C2orf92: variants seen among roughly 807,000 people sequenced by gnomAD.
The protein encoded by C2orf92 is uncharacterized protein C2orf92.
intron 1 of C2orf92, chr2:97,671,643 T>C: frequency 2.5e-6 from 1 of 394,852 alleles, no homozygotes; most frequent in Non-Finnish European, 4.5e-6. Context: ...TGTCTACGTG[T>C]CACAGTCTCA....
At chr2:97,666,566 G>C (rs1006555730), upstream of C2orf92, among the ~76,000 whole-genome samples, 6 of 151,072 alleles carry the variant, frequency 4.0e-5, no homozygotes, top group Non-Finnish European at 8.8e-5. Context: ...GGTTGAGATG[G>C]GCACGGTAGC....
chr2:97,665,733 CTCTCTATATATA>C (rs1182852463), upstream of C2orf92: 79 of 19,746 alleles, frequency 4.0e-3, no homozygotes, highest in African/African-American at 5.3e-3. Flanking sequence ...CTCTCTCTCT[CTCTCTATATATA>C]TATATATATA....
At chr2:97,685,665 C>T (rs1445145927) in intron 3 of C2orf92, among the ~76,000 whole-genome samples, 1 of 152,092 alleles carries the variant, frequency 6.6e-6, no homozygotes, top group Non-Finnish European at 1.5e-5. Context: ...CAAGTTCAAG[C>T]AATTCTCCTG....
At chr2:97,681,351 C>T (rs1373417868) in intron 3 of C2orf92, among the ~76,000 whole-genome samples, 1 of 152,040 alleles carries the variant, frequency 6.6e-6, no homozygotes, top group Admixed American at 6.6e-5. Flanking sequence ...CTTTTCAGAT[C>T]ACAATGGAAT....
Position 97,676,447 on chromosome 2 carries a change from AAG to A in C2orf92, c.232+521_232+522del, listed in dbSNP as rs1450853041. Among the ~76,000 whole-genome samples the A allele has an allele frequency of 1.5e-3, 172 of 114,124 alleles. 9 individuals are homozygous for A. Among genetic ancestry groups the A allele is most frequent in the African/African-American group, 2.8e-3 (93 of 32,992 alleles). The allele number at this position is 114,124 out of a possible 152,430, so 74.9% of individuals were successfully genotyped here. On this transcript the variant is annotated intron_variant, in intron 3 of 7. Transcript: ENST00000627399. The stretch of plus-strand genomic sequence containing the variant: ...AGACTCCATCTCAAAAAAAAAAAAA[AAG>A]AAAAAAAAAAAAAAAAAGACACCCC...
upstream of C2orf92, chr2:97,664,854 C>T (rs1213506917): frequency 6.6e-6 from 1 of 152,188 alleles, no homozygotes; most frequent in East Asian, 1.9e-4. Context: ...GGATTACAGG[C>T]GTCAGCTATT....
At chr2:97,667,188 G>A (rs1231935657), upstream of C2orf92, 1 of 151,546 alleles carries the variant, frequency 6.6e-6, no homozygotes, top group Non-Finnish European at 1.5e-5. Context: ...AAAGCAAAGA[G>A]AAAGCAGACA....
At chr2:97,695,859 C>T (rs1676288525) in intron 5 of C2orf92, among the ~76,000 whole-genome samples, 1 of 152,156 alleles carries the variant, frequency 6.6e-6, no homozygotes, top group South Asian at 2.1e-4. Flanking sequence ...TCAAGCAATT[C>T]TCCTGTCTCA....
At chr2:97,685,334 C>T (rs1675921885) in intron 3 of C2orf92, among the ~76,000 whole-genome samples, 4 of 143,268 alleles carry the variant, frequency 2.8e-5, no homozygotes, top group African/African-American at 7.8e-5. Context: ...GGTGTGATCT[C>T]GGCTCACTGC....
chr2:97,701,436 C>T (rs903334005), intron 7 of C2orf92, 132 bp downstream of exon 7: 1 of 390,766 alleles, frequency 2.6e-6, no homozygotes, highest in African/African-American at 2.1e-5. Context: ...TTCAGCATCC[C>T]CTGGCCTGCT....
intron 3 of C2orf92, among the ~76,000 whole-genome samples, chr2:97,679,438 T>C (rs1212486573): frequency 6.6e-6 from 1 of 152,242 alleles, no homozygotes; most frequent in East Asian, 1.9e-4. Context: ...GCTAAGTTGT[T>C]AAAAATTTAA....
At chr2:97,702,368 C>G (rs192086299) in intron 7 of C2orf92, among the ~76,000 whole-genome samples, 9 of 152,168 alleles carry the variant, frequency 5.9e-5, no homozygotes, top group Admixed American at 1.3e-4. Flanking sequence ...ATTGGACCTG[C>G]CATTTTCCCT....
At chr2:97,675,751 C>T (rs1298333094) in intron 2 of C2orf92, 94 bp from the exon 3 acceptor site, 12 of 398,312 alleles carry the variant, frequency 3.0e-5, no homozygotes, top group Non-Finnish European at 4.4e-5. Flanking sequence ...ATGATGCTCA[C>T]CTCAAAATCC....
At chr2:97,696,715 G>A (rs1258567290) in intron 5 of C2orf92, among the ~76,000 whole-genome samples, 1 of 152,180 alleles carries the variant, frequency 6.6e-6, no homozygotes, top group African/African-American at 2.4e-5. Context: ...CAGCCTGGGG[G>A]ACAGAGACTC....
chr2:97,678,618 G>A (rs976584075), intron 3 of C2orf92, among the ~76,000 whole-genome samples: 22 of 151,962 alleles, frequency 1.4e-4, no homozygotes, highest in African/African-American at 4.1e-4. Flanking sequence ...TCATTTCTCC[G>A]CAACAACCAC....
At chr2:97,681,641 G>A (rs1464848527) in intron 3 of C2orf92, among the ~76,000 whole-genome samples, 4 of 152,156 alleles carry the variant, frequency 2.6e-5, no homozygotes, top group Non-Finnish European at 5.9e-5. Context: ...GGCGGATCAC[G>A]AGGTCAGGAG....
rs140458454 is a variant in C2orf92 at position 97,685,674 on chromosome 2, T to C, written c.233-3221T>C. ...ACCTCCCAAGTTCAAGCAATTCTCCTGCCTCAGCCTCCCTAGTAGCTGGGA... is the reference window on the plus strand; with the variant it reads ...ACCTCCCAAGTTCAAGCAATTCTCCCGCCTCAGCCTCCCTAGTAGCTGGGA... On this transcript the variant is annotated intron_variant, in intron 3 of 7. Coordinates refer to ENST00000627399, the MANE Select transcript of C2orf92 (RefSeq NM_001351368.2). Among the ~76,000 whole-genome samples the C allele has an allele frequency of 3.3e-3, 509 of 152,196 alleles. 13 individuals carry two copies. The East Asian group carries it at 0.048, about 14-fold the overall frequency.
chr2:97,671,724 C>T (rs1035934251), intron 1 of C2orf92: 5 of 370,490 alleles, frequency 1.3e-5, no homozygotes, highest in Non-Finnish European at 2.4e-5. Context: ...CAGAGCAGGG[C>T]CATGTGGGAC....
intron 3 of C2orf92, among the ~76,000 whole-genome samples, chr2:97,688,569 T>G (rs1559303195): frequency 1.3e-5 from 2 of 152,226 alleles, no homozygotes; most frequent in Non-Finnish European, 2.9e-5. Context: ...TGAGTCATCT[T>G]GCGAACAGCC....
Sources: gnomAD v4.1 joint callset for allele counts (sites outside exome capture counted in the v4.1 genomes callset) on GRCh38, gnomAD v4.1.1 for gene constraint, MANE v1.5 for transcripts, NCBI Gene and HGNC (gene_info 2026-07-23, HGNC 2026-07-21) for gene names.